Variants in SYNE2 observed in about 807,000 individuals in gnomAD.
The protein encoded by SYNE2 is nesprin-2.
Under a neutral mutation model 856.3 loss-of-function variants are expected in SYNE2, and 431 were observed. The ratio of observed to expected loss-of-function variants is 0.50; its 90% CI spans 0.47 to 0.55. The LOEUF (loss-of-function observed/expected upper bound fraction) is 0.55. SYNE2 is among the 20% of genes least tolerant of loss of function. The pLI, the probability that SYNE2 is intolerant of heterozygous loss-of-function variation, is 0.00. For missense variants in SYNE2, 8,129 were observed against 8,023.2 expected, an observed-to-expected ratio of 1.01 and a Z score of -0.50; for synonymous variants, 2,923 against 2,872.3, an observed-to-expected ratio of 1.02 and a Z score of -0.56.
chr14:63,890,122 G>A (rs2140913851), intron 1 of SYNE2, among the ~76,000 whole-genome samples: 1 of 147,040 alleles, frequency 6.8e-6, no homozygotes, highest in South Asian at 2.2e-4. Flanking sequence ...GTCCAGTGGT[G>A]TGATCTTGGC....
chr14:64,162,145 T>C lies in SYNE2; in HGVS notation c.16168T>C (p.Tyr5390His), dbSNP rs1197582948. 6.2e-7 allele frequency: 1 copy of C among 1,614,202 alleles called. No homozygotes were observed. Among genetic ancestry groups the C allele is most frequent in the Admixed American group, 1.7e-5 (1 of 60,024 alleles). Residue 5390 changes from tyrosine (Y) to histidine (H), a missense_variant, in exon 88 of 116, where the codon TAT (tyrosine) becomes CAT (histidine). Tyr to His is a moderately conservative substitution (Grantham distance 83). This residue lies in a region of SYNE2 where 5,410 missense variants were observed against 5,284.8 expected (regional missense o/e 1.02). Coordinates refer to ENST00000555002, the MANE Select transcript of SYNE2 (RefSeq NM_182914.3). ...AQSLLQLWKA[Y>H]SNAHGEAAAR... ...GAGTCTGCTCCAGCTCTGGAAGGCCTATAGCAATGCTCATGGTGAAGCTGC... is the reference window on the plus strand; with the variant it reads ...GAGTCTGCTCCAGCTCTGGAAGGCCCATAGCAATGCTCATGGTGAAGCTGC...
At chr14:63,852,544 T>C (rs1890628326), upstream of SYNE2, among the ~76,000 whole-genome samples, 2 of 152,064 alleles carry the variant, frequency 1.3e-5, no homozygotes, top group African/African-American at 2.4e-5. Flanking sequence ...CGGATCCAGA[T>C]TTTAAAGGCC....
upstream of SYNE2, among the ~76,000 whole-genome samples, chr14:63,852,050 G>GGAGGTAGA (rs1327394664): frequency 2.2e-5 from 3 of 136,118 alleles, no homozygotes; most frequent in African/African-American, 7.8e-5. Context: ...CTTGAGACCA[G>GGAGGTAGA]GAGGTAGAGG....
At chr14:63,866,263 TA>T (rs1895295543) in intron 1 of SYNE2, among the ~76,000 whole-genome samples, 1 of 152,234 alleles carries the variant, frequency 6.6e-6, no homozygotes, top group African/African-American at 2.4e-5. Flanking sequence ...GATGTCAGAC[TA>T]CTAAAACAAA....
rs772854349 is a variant in SYNE2 at position 64,113,566 on chromosome 14, TGC to T, written c.12836_12837del (p.Cys4279SerfsTer8). Reference protein sequence around the residue: ...QQVLEQQLVGCQAMLTEIEHK... With the variant: ...QQVLEQQLVGXQAMLTEIEHK... ...GGTGCTGGAACAGCAGCTGGTAGGG[TGC>T]CAGGTAAGACTGAGAAGTCAGAGTT... On this transcript the variant is annotated frameshift_variant, in exon 66 of 116. Transcript: ENST00000555002. LOFTEE classifies it high-confidence loss of function. 6.2e-7 allele frequency: 1 copy of T among 1,605,410 alleles called. No individual in the cohort carries two copies. Among genetic ancestry groups the T allele is most frequent in the Non-Finnish European group, 8.5e-7 (1 of 1,175,960 alleles).
At chr14:64,039,872 C>T (rs568903826) in intron 45 of SYNE2, among the ~76,000 whole-genome samples, 29 of 152,224 alleles carry the variant, frequency 1.9e-4, no homozygotes, top group Non-Finnish European at 3.2e-4. Context: ...AGAATAGACA[C>T]GGGCCCTTGA....
At chr14:63,845,812 C>G (rs1411260827) in intron 1 of SYNE2, among the ~76,000 whole-genome samples, 1 of 148,946 alleles carries the variant, frequency 6.7e-6, no homozygotes, top group Non-Finnish European at 1.5e-5. Flanking sequence ...TTGATCTCAA[C>G]TCACTGCAAC....
Position 64,225,054 on chromosome 14 carries a change from G to T in SYNE2, c.20516+9G>T. 1 of 1,613,874 alleles carries T rather than the reference G, an allele frequency of 6.2e-7. No individual in the cohort carries two copies. On this transcript the variant is annotated intron_variant, in intron 115 of 115. Transcript: ENST00000555002. ...GAGGAGACAGAGAGCAGGTAACGGG[G>T]CTTTACCGTGACAGCAGTGCGTTCC...
intron 107 of SYNE2, chr14:64,215,669 T>G: frequency 2.0e-6 from 1 of 495,180 alleles, no homozygotes; most frequent in South Asian, 2.5e-5. Flanking sequence ...TGGGCCAAGC[T>G]TTCTTCATGG....
At chr14:64,024,838 T>G (rs2096965291) in intron 39 of SYNE2, 74 bp from the exon 40 acceptor site, 1 of 1,523,466 alleles carries the variant, frequency 6.6e-7, no homozygotes, top group Non-Finnish European at 9.1e-7. Context: ...AGTCACAAGG[T>G]TTGTGCCATC....
At chr14:64,025,904 A>C (rs2096974366) in intron 41 of SYNE2, among the ~76,000 whole-genome samples, 1 of 152,172 alleles carries the variant, frequency 6.6e-6, no homozygotes, top group South Asian at 2.1e-4. Context: ...GAGATTCAGT[A>C]AACATTTTTA....
intron 100 of SYNE2, among the ~76,000 whole-genome samples, chr14:64,204,887 G>C (rs913877788): frequency 2.0e-5 from 3 of 152,240 alleles, no homozygotes; most frequent in South Asian, 2.1e-4. Context: ...TCAGGATTAC[G>C]CTCCTTTCTG....
At chr14:63,838,117 C>A (rs1889922691) in intron 1 of SYNE2, among the ~76,000 whole-genome samples, 1 of 152,048 alleles carries the variant, frequency 6.6e-6, no homozygotes, top group South Asian at 2.1e-4. Flanking sequence ...CGCCTGTAAT[C>A]CCAGCGCTTT....
chr14:63,861,025 GATT>G (rs988323793), intron 1 of SYNE2, among the ~76,000 whole-genome samples: 69 of 152,200 alleles, frequency 4.5e-4, no homozygotes, highest in African/African-American at 1.6e-3. Context: ...CCTTCTAAGT[GATT>G]CTGATGCATG....
chr14:63,974,148 TAC>T, intron 11 of SYNE2, among the ~76,000 whole-genome samples: 1 of 152,268 alleles, frequency 6.6e-6, no homozygotes, highest in East Asian at 1.9e-4. Flanking sequence ...AAAGATAAAA[TAC>T]AGACTTAAGA....
At chr14:63,898,415 A>AT (rs970193103) in intron 1 of SYNE2, among the ~76,000 whole-genome samples, 12 of 150,110 alleles carry the variant, frequency 8.0e-5, no homozygotes, top group East Asian at 2.0e-4. Context: ...GTATAGTTTT[A>AT]TTTTTTTTTG....
chr14:64,099,392 A>G (rs988909570), intron 63 of SYNE2: 5 of 173,876 alleles, frequency 2.9e-5, no homozygotes, highest in South Asian at 2.6e-4. Flanking sequence ...TGTGACTTAC[A>G]TGTAACCACC....
At chr14:63,915,504 A>T (rs1281245694) in intron 2 of SYNE2, among the ~76,000 whole-genome samples, 3 of 152,216 alleles carry the variant, frequency 2.0e-5, no homozygotes, top group Admixed American at 6.5e-5. Context: ...ACAGAATATT[A>T]TCATTAATTA....
At chr14:64,063,253 G>A (rs913561862) in intron 50 of SYNE2, among the ~76,000 whole-genome samples, 28 of 152,122 alleles carry the variant, frequency 1.8e-4, no homozygotes, top group African/African-American at 6.8e-4. Context: ...TCACAATGTT[G>A]ACCAGGCTGC....
Sources: gnomAD v4.1 joint callset for allele counts (sites outside exome capture counted in the v4.1 genomes callset) on GRCh38, gnomAD v4.1.1 for gene constraint, gnomAD v4.1.1 regional missense constraint, MANE v1.5 for transcripts, NCBI Gene and HGNC (gene_info 2026-07-23, HGNC 2026-07-21) for gene names.